The following RBPJ variants were observed in gnomAD, a reference collection of about 807,000 sequenced individuals.
The protein encoded by RBPJ is recombination signal binding protein for immunoglobulin kappa J region.
A neutral mutation model predicts 67.8 loss-of-function variants in RBPJ; 9 were observed. The observed-to-expected ratio is 0.13, with a 90% CI of 0.08 to 0.23. The LOEUF is 0.23. RBPJ is among the 10% of genes least tolerant of loss of function. The probability of loss-of-function intolerance (pLI) is 1.00; values close to 1 mark genes in which losing one functional copy is unlikely to be tolerated. For synonymous variants in RBPJ, 198 were observed against 203.3 expected (o/e 0.97, Z 0.22); for missense variants, 305 against 595.6 (o/e 0.51, Z 5.08).
intron 1 of RBPJ, among the ~76,000 whole-genome samples, chr4:26,352,493 C>T (rs553350805): frequency 6.6e-6 from 1 of 152,152 alleles, no homozygotes; most frequent in African/African-American, 2.4e-5. Context: ...AACCATAGCA[C>T]TCACATCATT....
intron 1 of RBPJ, among the ~76,000 whole-genome samples, chr4:26,237,197 A>G (rs1719479626): frequency 6.6e-6 from 1 of 152,192 alleles, no homozygotes; most frequent in Non-Finnish European, 1.5e-5. Context: ...GGAGATCAAG[A>G]CCATCCTGGT....
At chr4:26,109,708 C>CCTCTCTCTCTCTCTCTCTCTGTCT in the RBPJ span, among the ~76,000 whole-genome samples, 1 of 49,408 alleles carries the variant, frequency 2.0e-5, no homozygotes, top group South Asian at 6.7e-4. Context: ...TGTCCACCTT[C>CCTCTCTCTCTCTCTCTCTCTGTCT]CTCTCTCTCT....
chr4:26,320,710 C>T (rs767160686), upstream of RBPJ: 2 of 1,541,564 alleles, frequency 1.3e-6, no homozygotes, highest in Non-Finnish European at 1.8e-6. Context: ...TCTCCACGTA[C>T]GTCCCTCAAA....
rs1424993915 is a variant in RBPJ at position 26,244,343 on chromosome 4, A to ATG, written c.-167+80735_-167+80736dup. On this transcript the variant is annotated intron_variant, in intron 1 of 4. Coordinates refer to the RBPJ transcript ENST00000512351. ...TATGTATACACATATGTGTACACAT[A>ATG]TGTGTGTATATATATGTATGCACAT... Among the ~76,000 whole-genome samples the ATG allele has an allele frequency of 3.2e-4, 31 of 95,518 alleles. 8 individuals carry two copies. The highest frequency in any genetic ancestry group is 6.1e-4 in the Non-Finnish European group (26 of 42,944). The allele number at this position is 95,518 out of a possible 152,430, so 62.7% of individuals were successfully genotyped here.
chr4:26,271,106 A>G (rs997988915), intron 1 of RBPJ, among the ~76,000 whole-genome samples: 3 of 152,078 alleles, frequency 2.0e-5, no homozygotes, highest in Non-Finnish European at 4.4e-5. Flanking sequence ...GGGTCTCACT[A>G]TGTTTCCCAG....
At chr4:26,419,663 G>A (rs1002613066) in intron 4 of RBPJ, among the ~76,000 whole-genome samples, 1 of 152,146 alleles carries the variant, frequency 6.6e-6, no homozygotes, top group South Asian at 2.1e-4. Context: ...TACTTATGCT[G>A]TGTTTCAGCA....
rs60159669 is a variant in RBPJ at position 26,289,384 on chromosome 4, C to CAAAAAAAAAAAAAAAAA, written c.-166-73055_-166-73039dup. On this transcript the variant is annotated intron_variant, in intron 1 of 4. Coordinates refer to the RBPJ transcript ENST00000512351. ...TCAGCGACAGAGTGAGACTTGGTCT[C>CAAAAAAAAAAAAAAAAA]AAAAAAAAAAAAAAAAAAAAAAAGA... Among the ~76,000 whole-genome samples, 206 of 78,292 alleles carry CAAAAAAAAAAAAAAAAA rather than the reference C, an allele frequency of 2.6e-3. 2 individuals carry two copies. Among genetic ancestry groups the CAAAAAAAAAAAAAAAAA allele is most frequent in the African/African-American group, 6.1e-3 (125 of 20,532 alleles). The allele number at this position is 78,292 out of a possible 152,430, so 51.4% of individuals were successfully genotyped here.
chr4:26,253,612 A>C (rs934697666), intron 1 of RBPJ, among the ~76,000 whole-genome samples: 55 of 150,910 alleles, frequency 3.6e-4, no homozygotes, highest in African/African-American at 1.2e-3. Flanking sequence ...TCAATGCTGA[A>C]AATATTTCTA....
chr4:26,277,274 CAAAA>C (rs754017128), intron 1 of RBPJ, among the ~76,000 whole-genome samples: 1 of 113,440 alleles, frequency 8.8e-6, no homozygotes, highest in Non-Finnish European at 1.9e-5. Context: ...CCTGTTTGTT[CAAAA>C]AAAAAAAAAA....
chr4:26,114,315 C>T, the RBPJ span, among the ~76,000 whole-genome samples: 9 of 151,740 alleles, frequency 5.9e-5, no homozygotes, highest in Non-Finnish European at 1.2e-4. Context: ...AAAAATTAGT[C>T]GGGCATGGTG....
At chr4:26,195,957 A>G (rs1717746729) in intron 1 of RBPJ, among the ~76,000 whole-genome samples, 1 of 152,142 alleles carries the variant, frequency 6.6e-6, no homozygotes, top group South Asian at 2.1e-4. Context: ...TTGAGTGCAC[A>G]CACACAAACA....
At chr4:26,311,953 C>T (rs980216763) in intron 1 of RBPJ, among the ~76,000 whole-genome samples, 2 of 152,000 alleles carry the variant, frequency 1.3e-5, no homozygotes, top group Admixed American at 1.3e-4. Context: ...TCTTAAAGCT[C>T]AGTTCATGGA....
chr4:26,415,526 A>G lies in RBPJ; in HGVS notation c.207A>G (p.Lys69=). The G allele has an allele frequency of 3.1e-6, 5 of 1,613,476 alleles. No homozygotes were observed. The highest frequency in any genetic ancestry group is 4.2e-6 in the Non-Finnish European group (5 of 1,179,702). ...CVYLMGSGWK[K]KKEQMERDGC... ...ATCTTATGGGCAGTGGATGGAAGAA[A>G]AAAAAAGAACAAATGGAACGCGATG... Residue 69 remains lysine (K), a synonymous_variant, in exon 4 of 11, where the codon AAA becomes AAG. Coordinates refer to ENST00000355476, the MANE Select transcript of RBPJ (RefSeq NM_015874.6).
intron 3 of RBPJ, among the ~76,000 whole-genome samples, chr4:26,411,713 C>T (rs1193944878): frequency 6.6e-6 from 1 of 151,988 alleles, no homozygotes; most frequent in Non-Finnish European, 1.5e-5. Context: ...CTGATTTTTA[C>T]CATTTCATGC....
intron 1 of RBPJ, among the ~76,000 whole-genome samples, chr4:26,289,384 C>CAA (rs60159669): frequency 1.6e-3 from 126 of 78,046 alleles, no homozygotes; most frequent in South Asian, 2.2e-3. Flanking sequence ...GACTTGGTCT[C>CAA]AAAAAAAAAA....
chr4:26,111,880 G>A, the RBPJ span: 2 of 202,496 alleles, frequency 9.9e-6, no homozygotes, highest in East Asian at 2.3e-4. Context: ...CAAATCCCAA[G>A]AACAAGTGTC....
At chr4:26,188,455 A>G (rs372859462) in intron 1 of RBPJ, among the ~76,000 whole-genome samples, 1 of 152,190 alleles carries the variant, frequency 6.6e-6, no homozygotes, top group Non-Finnish European at 1.5e-5. Flanking sequence ...AAAGGTCAAG[A>G]CTTTTAAATA....
the RBPJ span, among the ~76,000 whole-genome samples, chr4:26,133,922 A>G: frequency 6.6e-6 from 1 of 152,126 alleles, no homozygotes; most frequent in African/African-American, 2.4e-5. Context: ...TTTAAAGATG[A>G]AGGAAGGAAA....
intron 1 of RBPJ, among the ~76,000 whole-genome samples, chr4:26,381,023 G>GT (rs1190067023): frequency 4.3e-5 from 6 of 140,948 alleles, no homozygotes; most frequent in Non-Finnish European, 9.2e-5. Flanking sequence ...TTTGCTTTTT[G>GT]GTTTTTTTTT....
Sources: allele counts gnomAD v4.1 joint callset (sites outside exome capture counted in the v4.1 genomes callset), GRCh38; gene constraint gnomAD v4.1.1; transcripts MANE v1.5; gene names NCBI Gene and HGNC (gene_info 2026-07-23, HGNC 2026-07-21).